Variants in SPMAP2L observed in about 807,000 individuals in gnomAD.
SPMAP2L encodes the protein sperm microtubule associated protein 2 like.
At chr4:56,531,923 C>T in the SPMAP2L span, among the ~76,000 whole-genome samples, 1 of 152,150 alleles carries the variant, frequency 6.6e-6, no homozygotes, top group African/African-American at 2.4e-5. Context: ...ATTGCAGTTG[C>T]TCCCTTATGT....
the SPMAP2L span, chr4:56,596,480 G>A: frequency 2.7e-6 from 4 of 1,499,872 alleles, no homozygotes; most frequent in East Asian, 2.5e-5. Context: ...TATAAGTACT[G>A]TTTTATTTTT....
chr4:56,622,565 T>C, the SPMAP2L span, among the ~76,000 whole-genome samples: 7 of 152,354 alleles, frequency 4.6e-5, no homozygotes, highest in Admixed American at 2.6e-4. Context: ...AAGTGCTTTA[T>C]TGTTAGTATC....
At chr4:56,587,266 A>G in the SPMAP2L span, among the ~76,000 whole-genome samples, 2 of 49,760 alleles carry the variant, frequency 4.0e-5, no homozygotes, top group African/African-American at 1.2e-4. Flanking sequence ...TCCTTGGTCC[A>G]TTGATTGATT....
the SPMAP2L span, among the ~76,000 whole-genome samples, chr4:56,581,153 T>G: frequency 1.3e-5 from 2 of 151,680 alleles, no homozygotes; most frequent in East Asian, 1.9e-4. Flanking sequence ...CATTTTCTAC[T>G]AAAAATAAAA....
chr4:56,559,319 A>AAC, the SPMAP2L span: 1 of 1,167,098 alleles, frequency 8.6e-7, no homozygotes, highest in African/African-American at 1.7e-5. Flanking sequence ...AAAAAAAAAA[A>AAC]AAAGAGTCAT....
the SPMAP2L span, chr4:56,548,848 TTCA>T: frequency 2.1e-6 from 3 of 1,445,058 alleles, no homozygotes; most frequent in East Asian, 5.4e-5. Flanking sequence ...TAGTACTATT[TTCA>T]CAGACCTAAA....
the SPMAP2L span, among the ~76,000 whole-genome samples, chr4:56,536,992 G>A: frequency 6.6e-6 from 1 of 152,148 alleles, no homozygotes; most frequent in Non-Finnish European, 1.5e-5. Flanking sequence ...TTGAACTCCT[G>A]ACCTTAGGTG....
the SPMAP2L span, among the ~76,000 whole-genome samples, chr4:56,619,549 T>C: frequency 6.6e-6 from 1 of 152,336 alleles, no homozygotes; most frequent in South Asian, 2.1e-4. Context: ...TTAGTCCATA[T>C]TGTCGCATGA....
At chr4:56,593,190 A>C in the SPMAP2L span, 2 of 1,494,708 alleles carry the variant, frequency 1.3e-6, no homozygotes, top group East Asian at 2.3e-5. Flanking sequence ...AGTTTACTCA[A>C]CTACCAGACC....
the SPMAP2L span, among the ~76,000 whole-genome samples, chr4:56,535,753 CTG>C: frequency 6.6e-6 from 1 of 152,328 alleles, no homozygotes; most frequent in African/African-American, 2.4e-5. Context: ...TATACCTACA[CTG>C]GTCACAGAAG....
chr4:56,599,557 C>T, the SPMAP2L span, among the ~76,000 whole-genome samples: 1 of 152,084 alleles, frequency 6.6e-6, no homozygotes, highest in Admixed American at 6.6e-5. Flanking sequence ...CCTTACACAC[C>T]CCCTGCCGCT....
chr4:56,594,413 GA>G, the SPMAP2L span: 1 of 1,595,418 alleles, frequency 6.3e-7, no homozygotes, highest in East Asian at 2.2e-5. Flanking sequence ...TGTGCCTCTG[GA>G]CCAAGCTCAA....
the SPMAP2L span, among the ~76,000 whole-genome samples, chr4:56,550,646 A>C: frequency 6.6e-6 from 1 of 152,206 alleles, no homozygotes; most frequent in African/African-American, 2.4e-5. Flanking sequence ...TTTTATACTT[A>C]AAAAGGCTGT....
At chr4:56,600,290 T>C in the SPMAP2L span, among the ~76,000 whole-genome samples, 1 of 151,550 alleles carries the variant, frequency 6.6e-6, no homozygotes, top group Non-Finnish European at 1.5e-5. Flanking sequence ...AACAATAGGA[T>C]GGGTTTATTT....
At chr4:56,579,865 A>G in the SPMAP2L span, among the ~76,000 whole-genome samples, 6 of 152,232 alleles carry the variant, frequency 3.9e-5, no homozygotes, top group Non-Finnish European at 7.3e-5. Flanking sequence ...TTATAAAGAC[A>G]AACTACTGAA....
chr4:56,593,536 T>G, the SPMAP2L span: 44,283 of 1,599,336 alleles, frequency 0.028, 2,508 homozygotes, highest in African/African-American at 0.21. Context: ...CTGTGTGTGC[T>G]ACTGACCTTT....
chr4:56,539,911 G>T, the SPMAP2L span, among the ~76,000 whole-genome samples: 7 of 152,126 alleles, frequency 4.6e-5, no homozygotes, highest in Non-Finnish European at 1.0e-4. Flanking sequence ...CTTGCTTGTT[G>T]TCTGTCTTTC....
chr4:56,584,438 T>G, the SPMAP2L span: 80 of 1,117,562 alleles, frequency 7.2e-5, no homozygotes, highest in Non-Finnish European at 9.3e-5. Context: ...TAATGGAAAA[T>G]CCAGTTGTTG....
the SPMAP2L span, among the ~76,000 whole-genome samples, chr4:56,543,958 G>C: frequency 8.0e-6 from 1 of 124,874 alleles, no homozygotes; most frequent in Non-Finnish European, 1.6e-5. Context: ...GAGTGTGTGT[G>C]TGTGTGTGTG....
Sources: gnomAD v4.1 joint callset for allele counts (sites outside exome capture counted in the v4.1 genomes callset) on GRCh38, gnomAD v4.1.1 for gene constraint, MANE v1.5 for transcripts, NCBI Gene and HGNC (gene_info 2026-07-23, HGNC 2026-07-21) for gene names.